The following ADAMTSL3 variants were observed in gnomAD, a reference collection of about 807,000 sequenced individuals.
ADAMTSL3 encodes the protein ADAMTS like 3.
Under a neutral mutation model 201.7 loss-of-function variants are expected in ADAMTSL3, and 128 were observed. The ratio of observed to expected loss-of-function variants is 0.63; its 90% CI spans 0.55 to 0.73. ADAMTSL3 has a LOEUF of 0.73. Among genes scored for constraint, ADAMTSL3 ranks in the 30% least tolerant of loss-of-function variants. The pLI is 0.00. For synonymous variants in ADAMTSL3, 738 were observed against 748.4 expected (o/e 0.99, Z 0.23); for missense variants, 1,990 against 2,119.6 (o/e 0.94, Z 1.20).
chr15:83,834,919 C>A (rs965584471), intron 6 of ADAMTSL3, among the ~76,000 whole-genome samples: 1 of 152,120 alleles, frequency 6.6e-6, no homozygotes, highest in Non-Finnish European at 1.5e-5. Flanking sequence ...GTTGGAAACA[C>A]TTCAGGCAAT....
At chr15:83,999,080 C>G (rs75665282) in intron 23 of ADAMTSL3, among the ~76,000 whole-genome samples, 2 of 150,616 alleles carry the variant, frequency 1.3e-5, no homozygotes, top group Non-Finnish European at 3.0e-5. Context: ...TATCATGAGG[C>G]AAAAAAAAAT....
At chr15:83,856,018 A>AAAAAC (rs959269999) in intron 7 of ADAMTSL3, among the ~76,000 whole-genome samples, 2 of 152,102 alleles carry the variant, frequency 1.3e-5, no homozygotes, top group Non-Finnish European at 2.9e-5. Flanking sequence ...CTCAAAAAAC[A>AAAAAC]AAAACAAAAC....
chr15:83,848,154 C>T (rs1270253479), intron 7 of ADAMTSL3, among the ~76,000 whole-genome samples: 1 of 150,380 alleles, frequency 6.6e-6, no homozygotes, highest in East Asian at 2.0e-4. Flanking sequence ...AAAAACCCAA[C>T]CAACTAAAAA....
chr15:83,702,878 C>T (rs1411522856), intron 2 of ADAMTSL3, among the ~76,000 whole-genome samples: 10 of 152,150 alleles, frequency 6.6e-5, no homozygotes, highest in Non-Finnish European at 1.0e-4. Context: ...GTCCTCCAGA[C>T]CCCAGAATGG....
intron 10 of ADAMTSL3, among the ~76,000 whole-genome samples, chr15:83,886,954 C>A (rs1470463405): frequency 6.6e-6 from 1 of 152,196 alleles, no homozygotes; most frequent in Non-Finnish European, 1.5e-5. Flanking sequence ...AAAAGTGAAT[C>A]TCCCCAGTTC....
intron 19 of ADAMTSL3, among the ~76,000 whole-genome samples, chr15:83,951,739 G>A (rs1003960595): frequency 7.9e-5 from 12 of 152,054 alleles, no homozygotes; most frequent in African/African-American, 2.9e-4. Flanking sequence ...TTCAATCTGG[G>A]TAGGTTGTAT....
chr15:83,728,183 T>A (rs1666205366), intron 3 of ADAMTSL3, among the ~76,000 whole-genome samples: 1 of 152,014 alleles, frequency 6.6e-6, no homozygotes. Flanking sequence ...CTACCCCTGC[T>A]CTTTCTTGGT....
chr15:83,657,423 C>T (rs1479455832), intron 2 of ADAMTSL3, among the ~76,000 whole-genome samples: 1 of 152,130 alleles, frequency 6.6e-6, no homozygotes, highest in Non-Finnish European at 1.5e-5. Flanking sequence ...GATTTCAGAC[C>T]AGCAGTCTTC....
chr15:83,982,523 C>A lies in ADAMTSL3; in HGVS notation c.2895C>A (p.Gly965=), dbSNP rs1442849721. 1.9e-6 allele frequency: 3 copies of A among 1,614,212 alleles called. No individual in the cohort carries two copies. The South Asian group carries it at 3.3e-5, about 18-fold the overall frequency. ...AACGGCTTGGCATCACCAAGTCAGG[C>A]TCACTAAAAATCCATGGTCTTGCTG... ...NSKRLGITKS[G]SLKIHGLAAP... The change falls in exon 21 of 30, where the codon GGC becomes GGA. Residue 965 remains glycine (G), a synonymous_variant. Transcript: ENST00000286744.
chr15:83,881,969 T>C (rs973584639), intron 9 of ADAMTSL3, among the ~76,000 whole-genome samples: 1 of 151,790 alleles, frequency 6.6e-6, no homozygotes, highest in Non-Finnish European at 1.5e-5. Flanking sequence ...CTGGCTAACA[T>C]AGTGGAACCC....
Position 84,019,754 on chromosome 15 carries a change from C to T in ADAMTSL3, c.4274-1656C>T, listed in dbSNP as rs1223697647. Among the ~76,000 whole-genome samples, 10 of 151,506 alleles carry T rather than the reference C, an allele frequency of 6.6e-5. 1 individual carries two copies. The highest frequency in any genetic ancestry group is 1.7e-4 in the African/African-American group (7 of 41,208). On this transcript the variant is annotated intron_variant, in intron 25 of 29. Transcript: ENST00000286744. Reference sequence around the variant, plus strand: ...TGAAAATACAAAAATGAGCCCGGCGCGGTGGTGCACACCTGTAATCCCAGC... The same window carrying T: ...TGAAAATACAAAAATGAGCCCGGCGTGGTGGTGCACACCTGTAATCCCAGC...
chr15:83,742,066 C>T (rs1002228615), intron 3 of ADAMTSL3, among the ~76,000 whole-genome samples: 5 of 151,734 alleles, frequency 3.3e-5, no homozygotes, highest in Admixed American at 6.6e-5. Flanking sequence ...TGGGAAAGTT[C>T]GAAAAAAATT....
intron 4 of ADAMTSL3, among the ~76,000 whole-genome samples, chr15:83,774,851 C>CTT (rs60612296): frequency 0.028 from 3,746 of 133,712 alleles, 181 homozygotes; most frequent in African/African-American, 0.094. Flanking sequence ...GGGGAGGAGG[C>CTT]TTTTTTTTTT....
Position 83,785,533 on chromosome 15 carries a change from G to A in ADAMTSL3, c.317+11883G>A, listed in dbSNP as rs144215644. 1.3e-3 allele frequency among the ~76,000 whole-genome samples: 193 copies of A among 152,168 alleles called. 1 individual carries two copies. Among genetic ancestry groups the A allele is most frequent in the African/African-American group, 4.5e-3 (186 of 41,510 alleles). Reference sequence around the variant, plus strand: ...TTTTAGATAACCTGTCTGCCCATAGGAGTCTTTATTTTTTCCCTTAAGTTC... The same window carrying A: ...TTTTAGATAACCTGTCTGCCCATAGAAGTCTTTATTTTTTCCCTTAAGTTC... On this transcript the variant is annotated intron_variant, in intron 4 of 29. Transcript: ENST00000286744.
chr15:83,892,119 A>AGCAGG (rs754950254), intron 12 of ADAMTSL3, among the ~76,000 whole-genome samples: 1 of 150,966 alleles, frequency 6.6e-6, no homozygotes, highest in African/African-American at 2.4e-5. Flanking sequence ...GAGAGGCTGA[A>AGCAGG]GCAGGAGAAT....
intron 17 of ADAMTSL3, among the ~76,000 whole-genome samples, chr15:83,935,557 A>T (rs2066446925): frequency 6.6e-6 from 1 of 152,122 alleles, no homozygotes; most frequent in African/African-American, 2.4e-5. Context: ...CGGGAAAAAA[A>T]ATACACACTC....
intron 3 of ADAMTSL3, among the ~76,000 whole-genome samples, chr15:83,747,299 C>T (rs141039371): frequency 0.012 from 1,862 of 152,322 alleles, 17 homozygotes; most frequent in Middle Eastern, 0.027. Context: ...CTCTGCTGCT[C>T]GTCTTTCACT....
intron 7 of ADAMTSL3, among the ~76,000 whole-genome samples, chr15:83,858,489 C>T (rs1429796452): frequency 6.6e-6 from 1 of 152,170 alleles, no homozygotes; most frequent in East Asian, 1.9e-4. Context: ...TCTCCTGCCT[C>T]AGCCTCCCGG....
At chr15:83,982,249 T>G in intron 20 of ADAMTSL3, 24 bp from the exon 21 acceptor site, 1 of 1,538,880 alleles carries the variant, frequency 6.5e-7, no homozygotes, top group South Asian at 1.2e-5. Flanking sequence ...TATTTTCTTT[T>G]CTTTCTTTTT....
Sources: allele counts gnomAD v4.1 joint callset (sites outside exome capture counted in the v4.1 genomes callset), GRCh38; gene constraint gnomAD v4.1.1; transcripts MANE v1.5; gene names NCBI Gene and HGNC (gene_info 2026-07-23, HGNC 2026-07-21).